SGCZ: variants seen among roughly 807,000 people sequenced by gnomAD.
SGCZ encodes sarcoglycan zeta, also known as zeta-sarcoglycan.
In SGCZ, 40 loss-of-function variants were observed where a neutral mutation model predicts 41.3. That is an observed-to-expected ratio of 0.97 (90% CI 0.75 to 1.26). The LOEUF (loss-of-function observed/expected upper bound fraction) is 1.26, where lower values mean the gene tolerates loss of function less well. SGCZ is among the 50% of genes most tolerant of loss of function. The probability of loss-of-function intolerance (pLI) is 0.00; values close to 1 mark genes in which losing one functional copy is unlikely to be tolerated. For missense variants in SGCZ, 552 were observed against 369.8 expected, an observed-to-expected ratio of 1.49 and a Z score of -4.04; for synonymous variants, 206 against 137.5, an observed-to-expected ratio of 1.50 and a Z score of -3.49.
intron 1 of SGCZ, among the ~76,000 whole-genome samples, chr8:14,861,221 T>G (rs562157719): frequency 6.6e-6 from 1 of 152,212 alleles, no homozygotes; most frequent in Non-Finnish European, 1.5e-5. Flanking sequence ...GTCACATCCA[T>G]TCTTACACAT....
chr8:14,682,611 T>G (rs375587306), intron 1 of SGCZ, among the ~76,000 whole-genome samples: 4 of 152,066 alleles, frequency 2.6e-5, no homozygotes, highest in Non-Finnish European at 4.4e-5. Context: ...ATTTTTTGTA[T>G]TTTTAGTAGA....
chr8:14,281,843 TTAAG>T (rs1800452964), intron 3 of SGCZ, among the ~76,000 whole-genome samples: 1 of 134,716 alleles, frequency 7.4e-6, no homozygotes, highest in Non-Finnish European at 1.6e-5. Context: ...GAGACATAAA[TTAAG>T]TTTGTCAGAA....
At chr8:14,958,964 T>C (rs1726995344) in intron 1 of SGCZ, among the ~76,000 whole-genome samples, 1 of 152,112 alleles carries the variant, frequency 6.6e-6, no homozygotes, top group African/African-American at 2.4e-5. Flanking sequence ...TCTGTATGTT[T>C]GAAAGTTTTC....
At chr8:14,755,903 T>C (rs1799651290) in intron 1 of SGCZ, among the ~76,000 whole-genome samples, 2 of 152,082 alleles carry the variant, frequency 1.3e-5, no homozygotes, top group South Asian at 2.1e-4. Flanking sequence ...AACTATACAT[T>C]GAATGAAATC....
intron 1 of SGCZ, among the ~76,000 whole-genome samples, chr8:15,198,899 G>A (rs1800814375): frequency 6.6e-6 from 1 of 152,172 alleles, no homozygotes. Context: ...TAGGTATCAA[G>A]GAAAAGCATA....
intron 1 of SGCZ, among the ~76,000 whole-genome samples, chr8:15,196,995 C>G (rs2117124529): frequency 6.6e-6 from 1 of 152,284 alleles, no homozygotes; most frequent in Non-Finnish European, 1.5e-5. Flanking sequence ...AGCAATAGTC[C>G]CAGAGTGCAA....
At chr8:14,394,267 C>T (rs1190222032) in intron 2 of SGCZ, among the ~76,000 whole-genome samples, 5 of 151,410 alleles carry the variant, frequency 3.3e-5, no homozygotes, top group Non-Finnish European at 7.4e-5. Flanking sequence ...TCTCCTGCCT[C>T]AGCCTCCTGA....
At chr8:15,156,437 C>A (rs189826640) in intron 1 of SGCZ, among the ~76,000 whole-genome samples, 1 of 152,304 alleles carries the variant, frequency 6.6e-6, no homozygotes, top group African/African-American at 2.4e-5. Flanking sequence ...ATTTTATCAG[C>A]ATGGTGAAAT....
Position 14,088,613 on chromosome 8 carries a change from C to G in SGCZ, c.*1830G>C, listed in dbSNP as rs1213026032. The stretch of plus-strand genomic sequence containing the variant: ...TGTAAGCAATCGTATATCATAAATT[C>G]TTATTTCAATATTGATTTAAAAAGT... On this transcript the variant is annotated 3_prime_UTR_variant, in exon 8 of 8. Coordinates refer to ENST00000382080, the MANE Select transcript of SGCZ (RefSeq NM_139167.4). Among the ~76,000 whole-genome samples the G allele has an allele frequency of 2.6e-5, 4 of 151,638 alleles. No homozygotes were observed.
intron 1 of SGCZ, among the ~76,000 whole-genome samples, chr8:15,039,901 C>T (rs1003564841): frequency 6.6e-6 from 1 of 152,266 alleles, no homozygotes; most frequent in South Asian, 2.1e-4. Flanking sequence ...CTACTAAGTT[C>T]CAATACCATT....
chr8:15,000,076 G>T (rs2130908853), intron 1 of SGCZ, among the ~76,000 whole-genome samples: 1 of 152,242 alleles, frequency 6.6e-6, no homozygotes, highest in Non-Finnish European at 1.5e-5. Flanking sequence ...CAACCTGACT[G>T]GTGCCTTATA....
rs867403649 is a variant in SGCZ at position 15,237,523 on chromosome 8, G to A, written c.39+62C>T. On this transcript the variant is annotated intron_variant, in intron 1 of 7. Transcript: ENST00000382080. Reference sequence around the variant, plus strand: ...CGCGCCGCTGGAGGAGCCGCGGGAAGGAGAGGGGAGAGCAGGGAGCGCCGA... The same window carrying A: ...CGCGCCGCTGGAGGAGCCGCGGGAAAGAGAGGGGAGAGCAGGGAGCGCCGA... The A allele has an allele frequency of 2.1e-5, 32 of 1,548,114 alleles. No homozygotes were observed. In the African/African-American group the frequency reaches 3.7e-4, roughly 18 times the overall value.
In SGCZ at chr8:14,209,700, T is replaced by C. The variant is rs369002679; in HGVS notation, c.424+27892A>G. Among the ~76,000 whole-genome samples, 7 of 152,316 alleles carry C rather than the reference T, an allele frequency of 4.6e-5. No homozygotes were observed. In the East Asian group the frequency reaches 9.7e-4, roughly 21 times the overall value. On this transcript the variant is annotated intron_variant, in intron 4 of 7. Transcript: ENST00000382080. ...AGCTATGCCTATTTTACATTTAAAT[T>C]TATGTGACATATTTATAGAAAAAAC... is the stretch of plus-strand genomic sequence containing the variant.
intron 1 of SGCZ, among the ~76,000 whole-genome samples, chr8:14,727,039 G>C (rs1237495176): frequency 6.6e-6 from 1 of 151,836 alleles, no homozygotes; most frequent in East Asian, 1.9e-4. Context: ...CAGTCTGCGA[G>C]GAAATATTTT....
intron 5 of SGCZ, among the ~76,000 whole-genome samples, chr8:14,156,391 G>A (rs1408498215): frequency 1.3e-5 from 2 of 152,084 alleles, no homozygotes; most frequent in Non-Finnish European, 2.9e-5. Context: ...AACCCAGGAG[G>A]TGGAGGTTGC....
chr8:14,547,413 GT>G (rs956602554), intron 2 of SGCZ, among the ~76,000 whole-genome samples: 1 of 152,086 alleles, frequency 6.6e-6, no homozygotes, highest in Non-Finnish European at 1.5e-5. Context: ...CCTCTTAGAA[GT>G]TTATGTAAAC....
intron 2 of SGCZ, among the ~76,000 whole-genome samples, chr8:14,526,068 G>C (rs1377683099): frequency 6.6e-6 from 1 of 151,874 alleles, no homozygotes; most frequent in Non-Finnish European, 1.5e-5. Flanking sequence ...AAAGTATTTT[G>C]ATATCTTACA....
intron 3 of SGCZ, among the ~76,000 whole-genome samples, chr8:14,299,466 G>C (rs1166500573): frequency 1.3e-5 from 2 of 151,790 alleles, no homozygotes; most frequent in African/African-American, 4.8e-5. Flanking sequence ...ATTACAGTAG[G>C]AAAGACACAA....
intron 7 of SGCZ, among the ~76,000 whole-genome samples, chr8:14,092,503 C>T (rs2116954300): frequency 6.6e-6 from 1 of 151,914 alleles, no homozygotes; most frequent in South Asian, 2.1e-4. Context: ...TTGGCTGTGT[C>T]CCCACCCAAA....
Sources: allele counts gnomAD v4.1 joint callset (sites outside exome capture counted in the v4.1 genomes callset), GRCh38; gene constraint gnomAD v4.1.1; transcripts MANE v1.5; gene names NCBI Gene and HGNC (gene_info 2026-07-23, HGNC 2026-07-21).